Variants in SIPA1L3 observed in about 807,000 individuals in gnomAD.
SIPA1L3 encodes signal induced proliferation associated 1 like 3.
A neutral mutation model predicts 150.1 loss-of-function variants in SIPA1L3; 59 were observed. The observed-to-expected ratio is 0.39, with a 90% confidence interval of 0.32 to 0.49. The LOEUF is 0.49. Ranked by LOEUF, SIPA1L3 falls within the 20% of genes least tolerant of loss-of-function variation. SIPA1L3 has a pLI of 0.86. For missense variants in SIPA1L3, 2,211 were observed against 2,489.5 expected, an observed-to-expected ratio of 0.89 and a Z score of 2.38; for synonymous variants, 1,070 against 1,077.6, an observed-to-expected ratio of 0.99 and a Z score of 0.14.
In SIPA1L3 at chr19:38,106,567, C is replaced by A. The variant is rs746730570; in HGVS notation, c.2060C>A (p.Thr687Lys). Reference sequence around the variant, plus strand: ...TCCACGGGAACCCACTCCCTCTACACGATGTACCAGGACTACGAGATCATG... The same window carrying A: ...TCCACGGGAACCCACTCCCTCTACAAGATGTACCAGGACTACGAGATCATG... ...TDSTGTHSLY[T>K]MYQDYEIMFH... is the part of the protein sequence containing the mutation. The change falls in exon 7 of 22, where the codon ACG (threonine) becomes AAG (lysine). Residue 687 changes from threonine to lysine, a missense_variant. Physicochemically the swap from Thr to Lys is moderately conservative, Grantham distance 78. This residue lies in a region of SIPA1L3 where 625 missense variants were observed against 804.2 expected (regional missense o/e 0.78). Coordinates refer to ENST00000222345, the MANE Select transcript of SIPA1L3 (RefSeq NM_015073.3). 3 of 1,613,700 alleles carry A rather than the reference C, an allele frequency of 1.9e-6. No individual in the cohort carries two copies. The highest frequency in any genetic ancestry group is 2.5e-6 in the Non-Finnish European group (3 of 1,179,696).
chr19:38,064,191 G>C (rs1969516568), intron 2 of SIPA1L3, among the ~76,000 whole-genome samples: 1 of 152,232 alleles, frequency 6.6e-6, no homozygotes, highest in Non-Finnish European at 1.5e-5. Flanking sequence ...ATGTGCTTCA[G>C]GGGAGGTCAC....
At chr19:38,171,384 AC>A (rs1972324076) in intron 15 of SIPA1L3, among the ~76,000 whole-genome samples, 1 of 116,080 alleles carries the variant, frequency 8.6e-6, no homozygotes, top group Non-Finnish European at 1.9e-5. Flanking sequence ...CCCTACCAAA[AC>A]TTTTTTTTTT....
At chr19:38,138,691 A>G (rs1204694685) in intron 10 of SIPA1L3, among the ~76,000 whole-genome samples, 4 of 76,038 alleles carry the variant, frequency 5.3e-5, no homozygotes, top group African/African-American at 2.9e-4. Flanking sequence ...TGAGGTCAGG[A>G]GTTCGAGACC....
chr19:38,130,802 TG>T (rs759199581), intron 10 of SIPA1L3, 30 bp downstream of exon 10: 2 of 1,569,230 alleles, frequency 1.3e-6, no homozygotes, highest in South Asian at 1.2e-5. Flanking sequence ...AGCCAGGTGG[TG>T]GGTGGCAGCT....
At chr19:38,168,882 T>C (rs1017571235) in intron 15 of SIPA1L3, among the ~76,000 whole-genome samples, 1 of 152,168 alleles carries the variant, frequency 6.6e-6, no homozygotes, top group African/African-American at 2.4e-5. Context: ...CCTGAAGTTT[T>C]CTCCTAGGCA....
In SIPA1L3 at chr19:38,046,432, G is replaced by T. The variant is rs1969058874; in HGVS notation, c.-311+17276G>T. 6.6e-6 allele frequency among the ~76,000 whole-genome samples: 1 copy of T among 152,186 alleles called. No individual in the cohort carries two copies. The highest frequency in any genetic ancestry group is 2.1e-4 in the South Asian group (1 of 4,834). On this transcript the variant is annotated intron_variant, in intron 2 of 21. Coordinates refer to ENST00000222345, the MANE Select transcript of SIPA1L3 (RefSeq NM_015073.3). This position sits in a 1 kb window ranked among gnomAD's most constrained non-coding sequence, Gnocchi z 5.6. ...AAGCTTCAAGGTCGGGGGCCGTGGGGTGGTGGTGGAGTCTTTGACCTCATG... is the reference window on the plus strand; with the variant it reads ...AAGCTTCAAGGTCGGGGGCCGTGGGTTGGTGGTGGAGTCTTTGACCTCATG...
intron 1 of SIPA1L3, among the ~76,000 whole-genome samples, chr19:37,993,651 C>T (rs1218254318): frequency 6.6e-6 from 1 of 152,138 alleles, no homozygotes; most frequent in Admixed American, 6.5e-5. Context: ...AGAGCTCCTC[C>T]TCTGGAGGGC....
At chr19:38,023,122 T>C (rs1157744051) in intron 1 of SIPA1L3, among the ~76,000 whole-genome samples, 3 of 152,212 alleles carry the variant, frequency 2.0e-5, no homozygotes, top group African/African-American at 4.8e-5. Context: ...GTGAGCCCAC[T>C]CTACCACGGA....
rs113099552 is a variant in SIPA1L3, at chr19:37,921,405, G to C, written c.-379+14047G>C. ...GGGTAGAGATGGTTGATGGGAACAG[G>C]AGTGCTGGTTGGTCAGATCCTGCCA... is the stretch of plus-strand genomic sequence containing the variant. On this transcript the variant is annotated intron_variant, in intron 1 of 21. Transcript: ENST00000222345. Among the ~76,000 whole-genome samples the C allele has an allele frequency of 5.1e-3, 781 of 152,264 alleles. 6 individuals carry two copies. The highest frequency in any genetic ancestry group is 0.018 in the African/African-American group (757 of 41,560).
intron 9 of SIPA1L3, among the ~76,000 whole-genome samples, chr19:38,126,867 A>G (rs1428586363): frequency 2.0e-5 from 3 of 152,116 alleles, no homozygotes; most frequent in African/African-American, 7.2e-5. Flanking sequence ...GAAAATTGCA[A>G]GCATACACTA....
intron 7 of SIPA1L3, among the ~76,000 whole-genome samples, chr19:38,108,016 T>G (rs1267599301): frequency 2.0e-5 from 3 of 151,900 alleles, no homozygotes; most frequent in Non-Finnish European, 4.4e-5. Context: ...CGCTTTGATC[T>G]CAGAATTAGA....
chr19:38,202,139 C>A, intron 20 of SIPA1L3, 142 bp downstream of exon 20: 2 of 752,716 alleles, frequency 2.7e-6, no homozygotes, highest in Non-Finnish European at 4.1e-6. Flanking sequence ...CTCCCCCCTC[C>A]TAACAGACTT....
chr19:38,169,561 T>C (rs1358242358), intron 15 of SIPA1L3, among the ~76,000 whole-genome samples: 1 of 152,142 alleles, frequency 6.6e-6, no homozygotes, highest in East Asian at 1.9e-4. Flanking sequence ...ACCTACATCA[T>C]AGGGATGTGG....
intron 1 of SIPA1L3, among the ~76,000 whole-genome samples, chr19:37,919,608 C>T (rs1453125611): frequency 6.6e-6 from 1 of 151,856 alleles, no homozygotes; most frequent in Non-Finnish European, 1.5e-5. Context: ...ACAAGCAGGA[C>T]CATTCTCACT....
At chr19:38,141,597 C>T (rs981064331) in intron 11 of SIPA1L3, among the ~76,000 whole-genome samples, 162 bp downstream of exon 11, 3 of 152,142 alleles carry the variant, frequency 2.0e-5, no homozygotes, top group African/African-American at 2.4e-5. Flanking sequence ...CTCCCTCCTT[C>T]GTTTCAGCTT....
chr19:38,201,846 C>T lies in SIPA1L3; in HGVS notation c.4985-16C>T, dbSNP rs528138288. ...GAGCCTTGCTGACCCCTCTCCTCCT[C>T]CTCCCTCCCTGGCAGTGCAAAGAGC... is the stretch of plus-strand genomic sequence containing the variant. On this transcript the variant is annotated splice_polypyrimidine_tract_variant and intron_variant, in intron 19 of 21. Coordinates refer to ENST00000222345, the MANE Select transcript of SIPA1L3 (RefSeq NM_015073.3). 21 of 1,594,932 alleles carry T rather than the reference C, an allele frequency of 1.3e-5. No homozygotes were observed. The East Asian group carries it at 3.4e-4, about 26-fold the overall frequency.
chr19:37,961,286 C>T (rs2145573953), intron 1 of SIPA1L3, among the ~76,000 whole-genome samples: 1 of 151,910 alleles, frequency 6.6e-6, no homozygotes. Flanking sequence ...TCTCAAAGTG[C>T]TGGGATTACA....
At chr19:38,033,400 A>C (rs1968695807) in intron 2 of SIPA1L3, among the ~76,000 whole-genome samples, 1 of 152,136 alleles carries the variant, frequency 6.6e-6, no homozygotes, top group Admixed American at 6.6e-5. Context: ...CTTGAACATC[A>C]CTTGAGGGCT....
At chr19:37,950,148 G>C (rs370200662) in intron 1 of SIPA1L3, among the ~76,000 whole-genome samples, 26 of 150,620 alleles carry the variant, frequency 1.7e-4, no homozygotes, top group African/African-American at 5.6e-4. Context: ...CTTGCTAGCT[G>C]TGTGACCTTG....
Sources: allele counts gnomAD v4.1 joint callset (sites outside exome capture counted in the v4.1 genomes callset), GRCh38; gene constraint gnomAD v4.1.1; regional missense constraint gnomAD v4.1.1; non-coding constraint Gnocchi (gnomAD v3.1); transcripts MANE v1.5; gene names NCBI Gene and HGNC (gene_info 2026-07-23, HGNC 2026-07-21).